Variants in CAMKMT observed in about 807,000 individuals in gnomAD.
CAMKMT encodes the protein CaM KMT.
Under a neutral mutation model 48.0 loss-of-function variants are expected in CAMKMT, and 53 were observed. That is an observed-to-expected ratio of 1.10 (90% confidence interval 0.89 to 1.39). The LOEUF (loss-of-function observed/expected upper bound fraction) is 1.39. CAMKMT is among the 40% of genes most tolerant of loss of function. The pLI is 0.00. For synonymous variants in CAMKMT, 165 were observed against 152.3 expected (o/e 1.08, Z -0.61); for missense variants, 428 against 402.7 (o/e 1.06, Z -0.54).
At chr2:44,594,166 A>G (rs1006736792) in intron 3 of CAMKMT, among the ~76,000 whole-genome samples, 1 of 152,224 alleles carries the variant, frequency 6.6e-6, no homozygotes, top group Non-Finnish European at 1.5e-5. Flanking sequence ...ATGAGAGGAC[A>G]CAAACAAATG....
Position 44,372,737 on chromosome 2 carries a change from G to C in CAMKMT, c.160G>C (p.Asp54His). The change falls in exon 2 of 11, where the codon GAT becomes CAT. Residue 54 changes from aspartate to histidine, a missense_variant. Transcript: ENST00000378494. ...LRQVLKQKHL[D>H]DCLRHVSVRR... ...AAAGGTTCTGAAGCAAAAACACCTG[G>C]ATGATTGCCTGCGACATGTATCTGT... 3 of 1,613,144 alleles carry C rather than the reference G, an allele frequency of 1.9e-6. No homozygotes were observed. Among genetic ancestry groups the C allele is most frequent in the Non-Finnish European group, 2.5e-6 (3 of 1,179,686 alleles).
intron 3 of CAMKMT, among the ~76,000 whole-genome samples, chr2:44,617,320 T>TA (rs1251655589): frequency 1.3e-5 from 2 of 152,172 alleles, no homozygotes; most frequent in Non-Finnish European, 2.9e-5. Flanking sequence ...TCTTTTGTAA[T>TA]ATGATAACAC....
At chr2:44,410,489 A>G (rs1683127659) in intron 3 of CAMKMT, among the ~76,000 whole-genome samples, 1 of 150,450 alleles carries the variant, frequency 6.6e-6, no homozygotes, top group East Asian at 1.9e-4. Flanking sequence ...ATTTTACAAG[A>G]CTCTTTTTGT....
At chr2:44,708,271 T>A (rs1400535299) in intron 6 of CAMKMT, among the ~76,000 whole-genome samples, 1 of 119,206 alleles carries the variant, frequency 8.4e-6, no homozygotes, top group Non-Finnish European at 1.7e-5. Context: ...AGGGAGACAA[T>A]CTACTTATTT....
chr2:44,593,395 C>G (rs1483707505), intron 3 of CAMKMT, among the ~76,000 whole-genome samples: 3 of 152,138 alleles, frequency 2.0e-5, no homozygotes, highest in Non-Finnish European at 4.4e-5. Context: ...TTCAGATATG[C>G]TGGGTTCTAA....
intron 3 of CAMKMT, among the ~76,000 whole-genome samples, chr2:44,626,734 C>T (rs1177752596): frequency 3.3e-5 from 5 of 152,146 alleles, no homozygotes; most frequent in Non-Finnish European, 7.4e-5. Flanking sequence ...CTCCTAAACT[C>T]ATCATTTTGG....
chr2:44,532,929 C>T (rs1049823659), intron 3 of CAMKMT, among the ~76,000 whole-genome samples: 1 of 151,874 alleles, frequency 6.6e-6, no homozygotes, highest in Non-Finnish European at 1.5e-5. Context: ...TCTCCTGCCT[C>T]AGCCTCCTGA....
At chr2:44,519,598 T>G (rs1670997203) in intron 3 of CAMKMT, among the ~76,000 whole-genome samples, 1 of 152,146 alleles carries the variant, frequency 6.6e-6, no homozygotes, top group African/African-American at 2.4e-5. Context: ...CTTCTTTCTA[T>G]CAGAAAGACT....
intron 3 of CAMKMT, among the ~76,000 whole-genome samples, chr2:44,627,783 T>A (rs867119514): frequency 3.0e-5 from 4 of 133,730 alleles, no homozygotes; most frequent in Admixed American, 8.6e-5. Context: ...AATCTCAGAC[T>A]CTGCCTCCCG....
At chr2:44,369,966 G>A (rs951470437) in intron 1 of CAMKMT, 2 of 152,168 alleles carry the variant, frequency 1.3e-5, no homozygotes, top group African/African-American at 4.8e-5. Flanking sequence ...ACGGATTCCA[G>A]GAAATACAGC....
intron 3 of CAMKMT, among the ~76,000 whole-genome samples, chr2:44,404,281 C>A (rs2104456093): frequency 6.6e-6 from 1 of 152,182 alleles, no homozygotes; most frequent in South Asian, 2.1e-4. Flanking sequence ...TTTAAAATTT[C>A]ATTACATGGC....
intron 8 of CAMKMT, 57 bp downstream of exon 8, chr2:44,743,753 A>T (rs1314751836): frequency 5.5e-5 from 77 of 1,400,198 alleles, no homozygotes; most frequent in Non-Finnish European, 7.0e-5. Context: ...TGCTGGAGTA[A>T]TTGGGCTGTG....
At chr2:44,527,944 T>C (rs981546688) in intron 3 of CAMKMT, among the ~76,000 whole-genome samples, 2 of 151,702 alleles carry the variant, frequency 1.3e-5, no homozygotes, top group African/African-American at 2.4e-5. Flanking sequence ...ATGACATGTA[T>C]TTGCCATGAC....
chr2:44,573,977 C>G (rs1441499290), intron 3 of CAMKMT, among the ~76,000 whole-genome samples: 7 of 152,124 alleles, frequency 4.6e-5, no homozygotes, highest in Non-Finnish European at 1.0e-4. Flanking sequence ...CAGGTCCCTT[C>G]TGATTATTCT....
At chr2:44,378,034 A>T (rs1679870531) in intron 2 of CAMKMT, among the ~76,000 whole-genome samples, 1 of 152,364 alleles carries the variant, frequency 6.6e-6, no homozygotes, top group Middle Eastern at 3.4e-3. Flanking sequence ...TCTAAGACAA[A>T]TACGAATACT....
chr2:44,610,481 T>C (rs1322340032), intron 3 of CAMKMT, among the ~76,000 whole-genome samples: 3 of 152,160 alleles, frequency 2.0e-5, no homozygotes, highest in African/African-American at 7.2e-5. Flanking sequence ...AACCTCTAAG[T>C]TTCCTCCATA....
intron 3 of CAMKMT, among the ~76,000 whole-genome samples, chr2:44,663,357 G>T (rs1249542420): frequency 6.6e-6 from 1 of 152,090 alleles, no homozygotes; most frequent in Admixed American, 6.6e-5. Context: ...CCACTCCTTT[G>T]TCCATAGCTT....
chr2:44,435,911 G>C (rs982061370), intron 3 of CAMKMT, among the ~76,000 whole-genome samples: 1 of 152,136 alleles, frequency 6.6e-6, no homozygotes, highest in African/African-American at 2.4e-5. Flanking sequence ...TTTACTGAAT[G>C]TCTCCCATAG....
intron 9 of CAMKMT, among the ~76,000 whole-genome samples, chr2:44,759,208 C>A (rs1225393326): frequency 2.0e-5 from 3 of 152,230 alleles, no homozygotes; most frequent in African/African-American, 7.2e-5. Context: ...ACTGAAGCCA[C>A]AAACTCCTGG....
Sources: gnomAD v4.1 joint callset for allele counts (sites outside exome capture counted in the v4.1 genomes callset) on GRCh38, gnomAD v4.1.1 for gene constraint, MANE v1.5 for transcripts, NCBI Gene and HGNC (gene_info 2026-07-23, HGNC 2026-07-21) for gene names.